Variants in THSD4 observed in about 807,000 individuals in gnomAD.
THSD4 encodes the protein thrombospondin type-1 domain-containing protein 4.
A neutral mutation model predicts 119.0 loss-of-function variants in THSD4; 69 were observed. The ratio of observed to expected loss-of-function variants is 0.58; its 90% CI spans 0.48 to 0.71. The LOEUF is 0.71. Among genes scored for constraint, THSD4 ranks in the 30% least tolerant of loss-of-function variants. The pLI is 0.00. For missense variants in THSD4, 1,393 were observed against 1,391.1 expected, an observed-to-expected ratio of 1.00 and a Z score of -0.02; for synonymous variants, 524 against 540.4, an observed-to-expected ratio of 0.97 and a Z score of 0.42.
At chr15:71,283,130 C>T (rs866619840) in intron 6 of THSD4, among the ~76,000 whole-genome samples, 9 of 152,038 alleles carry the variant, frequency 5.9e-5, no homozygotes, top group African/African-American at 1.9e-4. Flanking sequence ...CCACCACACC[C>T]GGTTAATGTT....
chr15:71,652,080 G>A (rs1185374832), intron 7 of THSD4, among the ~76,000 whole-genome samples: 2 of 152,152 alleles, frequency 1.3e-5, no homozygotes, highest in Non-Finnish European at 2.9e-5. Flanking sequence ...CCTCCATCCT[G>A]GATCAGAGTT....
chr15:71,537,220 A>G (rs1006126701), intron 7 of THSD4, among the ~76,000 whole-genome samples: 1 of 152,168 alleles, frequency 6.6e-6, no homozygotes, highest in East Asian at 1.9e-4. Context: ...GACTACAGCC[A>G]TAATCTTCTA....
intron 1 of THSD4, among the ~76,000 whole-genome samples, chr15:71,131,129 C>G (rs1483041683): frequency 6.6e-6 from 1 of 152,096 alleles, no homozygotes; most frequent in Non-Finnish European, 1.5e-5. Context: ...GGTTTCTTTA[C>G]CTATTAGTTT....
chr15:71,532,146 C>A (rs1430929566), intron 7 of THSD4, among the ~76,000 whole-genome samples: 1 of 152,028 alleles, frequency 6.6e-6, no homozygotes, highest in Non-Finnish European at 1.5e-5. Flanking sequence ...GTCACTGGGA[C>A]CTTTGGTGCT....
rs531675570 is a variant in THSD4, at chr15:71,254,297, T to C, written c.913-2316T>C. The stretch of plus-strand genomic sequence containing the variant: ...CTGCTTCTGTGTCACTGTGGAGCCT[T>C]TGGCAAGGCTTGCCACATCTCCAGG... On this transcript the variant is annotated intron_variant, in intron 5 of 17. Coordinates refer to ENST00000261862, the MANE Select transcript of THSD4 (RefSeq NM_024817.3). Among the ~76,000 whole-genome samples the C allele has an allele frequency of 6.6e-5, 10 of 152,322 alleles. No homozygotes were observed. The East Asian group carries it at 1.9e-3, about 29-fold the overall frequency.
chr15:71,206,603 G>A (rs1567157167), intron 3 of THSD4, among the ~76,000 whole-genome samples: 1 of 152,160 alleles, frequency 6.6e-6, no homozygotes, highest in Non-Finnish European at 1.5e-5. Context: ...ACAGATGGGA[G>A]GTTTATTTTG....
At chr15:71,672,899 A>T (rs1211533702) in intron 8 of THSD4, among the ~76,000 whole-genome samples, 1 of 152,176 alleles carries the variant, frequency 6.6e-6, no homozygotes, top group African/African-American at 2.4e-5. Context: ...CAAGTATTTT[A>T]TTGAGGATTT....
intron 7 of THSD4, among the ~76,000 whole-genome samples, chr15:71,446,148 T>C (rs1408695326): frequency 6.6e-6 from 1 of 152,242 alleles, no homozygotes; most frequent in Non-Finnish European, 1.5e-5. Flanking sequence ...TTCCATCCCC[T>C]GACTCTATCC....
At chr15:71,633,428 G>A (rs1054937846) in intron 7 of THSD4, among the ~76,000 whole-genome samples, 1 of 151,826 alleles carries the variant, frequency 6.6e-6, no homozygotes, top group African/African-American at 2.4e-5. Context: ...GGCACATGCC[G>A]CCATGCTGGC....
chr15:71,421,158 CAAAAAAAAAA>C (rs769831708), intron 7 of THSD4, among the ~76,000 whole-genome samples: 8 of 18,788 alleles, frequency 4.3e-4, no homozygotes, highest in African/African-American at 7.3e-4. Context: ...GACTCCGTCT[CAAAAAAAAAA>C]AAAAAAAAAA....
At chr15:71,281,207 C>T (rs1303772322) in intron 6 of THSD4, among the ~76,000 whole-genome samples, 1 of 152,224 alleles carries the variant, frequency 6.6e-6, no homozygotes, top group Non-Finnish European at 1.5e-5. Context: ...TTGCAAGACA[C>T]ATGTTATGGA....
chr15:71,379,584 A>G (rs12441012), intron 6 of THSD4, among the ~76,000 whole-genome samples: 25,887 of 147,864 alleles, frequency 0.18, 2,497 homozygotes, highest in Admixed American at 0.26. Context: ...TCAGCCTCCC[A>G]AGTAGCTGGG....
intron 6 of THSD4, among the ~76,000 whole-genome samples, chr15:71,377,278 A>C (rs893096560): frequency 3.3e-5 from 5 of 152,172 alleles, no homozygotes; most frequent in Non-Finnish European, 7.3e-5. Context: ...AATGAGTTTG[A>C]GGTGAAAGCA....
rs1160078103 is a variant in THSD4, at chr15:71,379,457, T to TA, written c.1016-32230_1016-32229insA. Among the ~76,000 whole-genome samples, 762 of 119,366 alleles carry TA rather than the reference T, an allele frequency of 6.4e-3. 8 individuals are homozygous for TA. The highest frequency in any genetic ancestry group is 0.024 in the African/African-American group (731 of 30,216). 78.3% of individuals were successfully genotyped at this position (119,366 alleles called of 152,430 possible). A position where few individuals can be genotyped will look rare whatever the true frequency, so the allele number is the denominator to read the frequency against. ...TACTGAAGCAAATGGCTTCTTTTTTTTTTTTTTTTTTTTTTTTTTGAGATG... is the reference window on the plus strand; with the variant it reads ...TACTGAAGCAAATGGCTTCTTTTTTTATTTTTTTTTTTTTTTTTTTGAGATG... On this transcript the variant is annotated intron_variant, in intron 6 of 17. Transcript: ENST00000261862.
At chr15:71,122,828 C>T (rs2040419422) in intron 1 of THSD4, among the ~76,000 whole-genome samples, 1 of 152,148 alleles carries the variant, frequency 6.6e-6, no homozygotes. Flanking sequence ...GTTCAATTTG[C>T]TGATGTTTAT....
At chr15:71,530,844 G>A (rs987965028) in intron 7 of THSD4, among the ~76,000 whole-genome samples, 1 of 151,040 alleles carries the variant, frequency 6.6e-6, no homozygotes, top group African/African-American at 2.4e-5. Context: ...GAATCTTACT[G>A]TCTACTTGAA....
chr15:71,536,089 C>A (rs765958924), intron 7 of THSD4, among the ~76,000 whole-genome samples: 1 of 152,104 alleles, frequency 6.6e-6, no homozygotes, highest in Non-Finnish European at 1.5e-5. Context: ...TATTAGTGTC[C>A]TATGGCTTTT....
chr15:71,525,638 C>G (rs762407100), intron 7 of THSD4, among the ~76,000 whole-genome samples: 1 of 152,310 alleles, frequency 6.6e-6, no homozygotes, highest in Middle Eastern at 3.4e-3. Context: ...AAATAACTGA[C>G]TTTTGTTATG....
At chr15:71,462,388 C>T (rs1159042782) in intron 7 of THSD4, among the ~76,000 whole-genome samples, 1 of 152,140 alleles carries the variant, frequency 6.6e-6, no homozygotes, top group Non-Finnish European at 1.5e-5. Flanking sequence ...AACTCCTGGG[C>T]TCAAGTGATC....
Sources: allele counts gnomAD v4.1 joint callset (sites outside exome capture counted in the v4.1 genomes callset), GRCh38; gene constraint gnomAD v4.1.1; transcripts MANE v1.5; gene names NCBI Gene and HGNC (gene_info 2026-07-23, HGNC 2026-07-21).